The following ANO3 variants were observed in gnomAD, a reference collection of about 807,000 sequenced individuals.
ANO3 encodes anoctamin-3.
A neutral mutation model predicts 144.8 loss-of-function variants in ANO3; 99 were observed. The ratio of observed to expected loss-of-function variants is 0.68; its 90% CI spans 0.58 to 0.81. The LOEUF (loss-of-function observed/expected upper bound fraction) is 0.81, where lower values mean the gene tolerates loss of function less well. Ranked by LOEUF, ANO3 falls within the 30% of genes least tolerant of loss-of-function variation. The pLI is 0.00. For missense variants in ANO3, 905 were observed against 1,202.2 expected (o/e 0.75, Z 3.66); for synonymous variants, 414 against 392.6 (o/e 1.05, Z -0.64).
intron 11 of ANO3, among the ~76,000 whole-genome samples, chr11:26,544,105 G>C (rs535126681): frequency 1.3e-5 from 2 of 151,088 alleles, no homozygotes; most frequent in African/African-American, 4.9e-5. Flanking sequence ...TTAAAATGAA[G>C]TTAGGATTTG....
chr11:26,561,659 A>T (rs923369037), intron 14 of ANO3, among the ~76,000 whole-genome samples: 81 of 152,130 alleles, frequency 5.3e-4, no homozygotes, highest in African/African-American at 1.7e-3. Flanking sequence ...ATATCACAGT[A>T]TCTTGATGGC....
intron 14 of ANO3, among the ~76,000 whole-genome samples, chr11:26,571,083 G>T (rs1850806004): frequency 6.6e-6 from 1 of 152,084 alleles, no homozygotes; most frequent in African/African-American, 2.4e-5. Flanking sequence ...GTAACTACAG[G>T]AAAAATGTAG....
rs566624317 is a variant in ANO3, at chr11:26,409,743, T to C, written c.47-32175T>C. On this transcript the variant is annotated intron_variant, in intron 1 of 26. Coordinates refer to ENST00000256737, the MANE Select transcript of ANO3 (RefSeq NM_031418.4). Reference sequence around the variant, plus strand: ...TAATTGTCTTGTTTCTGTTTGTGCCTTGGCAGGAATATTAAATTGCGTGTG... The same window carrying C: ...TAATTGTCTTGTTTCTGTTTGTGCCCTGGCAGGAATATTAAATTGCGTGTG... Among the ~76,000 whole-genome samples the C allele has an allele frequency of 9.2e-5, 14 of 152,124 alleles. No individual in the cohort carries two copies. In the South Asian group the frequency reaches 2.9e-3, roughly 31 times the overall value.
intron 14 of ANO3, among the ~76,000 whole-genome samples, chr11:26,591,119 C>CGTG (rs529637127): frequency 1.1e-3 from 167 of 152,182 alleles, no homozygotes; most frequent in African/African-American, 3.6e-3. Context: ...TTACAAGCCC[C>CGTG]GTGTTTAAAG....
chr11:26,505,748 G>A lies in ANO3; in HGVS notation c.433-2356G>A, dbSNP rs528799624. On this transcript the variant is annotated intron_variant, in intron 4 of 26. Transcript: ENST00000256737. ...AGCACTTTGGGAGGCCAAGGCGGGCGGATCACGAGGCCAGGAGATCGAGAC... is the reference window on the plus strand; with the variant it reads ...AGCACTTTGGGAGGCCAAGGCGGGCAGATCACGAGGCCAGGAGATCGAGAC... Among the ~76,000 whole-genome samples, 95 of 152,132 alleles carry A rather than the reference G, an allele frequency of 6.2e-4. 1 individual carries two copies. In the South Asian group the frequency reaches 0.015, roughly 24 times the overall value.
intron 14 of ANO3, among the ~76,000 whole-genome samples, chr11:26,564,556 G>A: frequency 6.8e-6 from 1 of 147,420 alleles, no homozygotes; most frequent in African/African-American, 2.5e-5. Flanking sequence ...TGTTTCAAAT[G>A]GAAAAGATTG....
At chr11:26,542,862 C>A (rs910121348) in intron 11 of ANO3, among the ~76,000 whole-genome samples, 3 of 84,358 alleles carry the variant, frequency 3.6e-5, no homozygotes, top group African/African-American at 1.1e-4. Flanking sequence ...AGAAAAAGAC[C>A]ATTTATATTA....
At chr11:26,454,856 A>G (rs1451320022) in intron 3 of ANO3, among the ~76,000 whole-genome samples, 1 of 151,600 alleles carries the variant, frequency 6.6e-6, no homozygotes, top group African/African-American at 2.4e-5. Flanking sequence ...CCAGCAGCAC[A>G]TCAAAAAGCT....
intron 4 of ANO3, among the ~76,000 whole-genome samples, chr11:26,475,379 T>C (rs1028982555): frequency 6.6e-6 from 1 of 152,040 alleles, no homozygotes; most frequent in Admixed American, 6.6e-5. Context: ...TAGCTTTTTT[T>C]GTAACTCTAT....
At chr11:26,378,605 A>G (rs1399680845) in intron 1 of ANO3, among the ~76,000 whole-genome samples, 1 of 152,016 alleles carries the variant, frequency 6.6e-6, no homozygotes, top group Admixed American at 6.6e-5. Context: ...ATAAACCCAA[A>G]TGTATAAAAA....
intron 1 of ANO3, among the ~76,000 whole-genome samples, chr11:26,260,934 GC>G (rs1445198799): frequency 6.6e-6 from 1 of 152,046 alleles, no homozygotes; most frequent in Non-Finnish European, 1.5e-5. Context: ...ACTTACTGAG[GC>G]ACACGAACCC....
intron 1 of ANO3, among the ~76,000 whole-genome samples, chr11:26,440,713 G>C (rs1257425154): frequency 6.6e-6 from 1 of 152,128 alleles, no homozygotes; most frequent in Non-Finnish European, 1.5e-5. Flanking sequence ...GCAGTGCCAG[G>C]TTTGGGTAAA....
chr11:26,627,115 T>TTATA (rs145115801), intron 18 of ANO3, among the ~76,000 whole-genome samples: 45 of 150,260 alleles, frequency 3.0e-4, no homozygotes, highest in South Asian at 8.4e-4. Context: ...TTAAATTCTT[T>TTATA]TATATATATA....
At chr11:26,563,877 T>G (rs1850404034) in intron 14 of ANO3, among the ~76,000 whole-genome samples, 1 of 151,800 alleles carries the variant, frequency 6.6e-6, no homozygotes, top group South Asian at 2.1e-4. Flanking sequence ...TTTCACTGTA[T>G]TATTCTTTTC....
chr11:26,431,208 A>G (rs1318852859), intron 1 of ANO3, among the ~76,000 whole-genome samples: 1 of 152,214 alleles, frequency 6.6e-6, no homozygotes, highest in African/African-American at 2.4e-5. Flanking sequence ...CTAGCTCCTA[A>G]AAATGTAGGA....
At chr11:26,443,982 A>G in intron 3 of ANO3, 146 bp downstream of exon 3, 2 of 468,988 alleles carry the variant, frequency 4.3e-6, no homozygotes, top group Non-Finnish European at 7.5e-6. Flanking sequence ...TTCTGAGGTT[A>G]AGAAATTAAG....
chr11:26,315,999 G>A (rs1489363676), intron 1 of ANO3, among the ~76,000 whole-genome samples: 1 of 152,036 alleles, frequency 6.6e-6, no homozygotes, highest in African/African-American at 2.4e-5. Flanking sequence ...CTCTCCACTG[G>A]GGTTGAGGGT....
chr11:26,535,539 T>A (rs996542825), intron 9 of ANO3, among the ~76,000 whole-genome samples: 8 of 149,474 alleles, frequency 5.4e-5, no homozygotes, highest in Non-Finnish European at 1.2e-4. Flanking sequence ...GAGTGCTATA[T>A]AGGTAAAATA....
intron 1 of ANO3, among the ~76,000 whole-genome samples, chr11:26,353,784 G>A (rs1855708079): frequency 6.6e-6 from 1 of 152,064 alleles, no homozygotes; most frequent in Non-Finnish European, 1.5e-5. Flanking sequence ...TGGCCAGGAT[G>A]ATCTCGATCT....
Sources: allele counts gnomAD v4.1 joint callset (sites outside exome capture counted in the v4.1 genomes callset), GRCh38; gene constraint gnomAD v4.1.1; transcripts MANE v1.5; gene names NCBI Gene and HGNC (gene_info 2026-07-23, HGNC 2026-07-21).